The following CCDC178 variants were observed in gnomAD, a reference collection of about 807,000 sequenced individuals.
The protein encoded by CCDC178 is coiled-coil domain containing 178.
A neutral mutation model predicts 117.4 loss-of-function variants in CCDC178; 126 were observed. The ratio of observed to expected loss-of-function variants is 1.07; its 90% CI spans 0.93 to 1.24. The LOEUF (loss-of-function observed/expected upper bound fraction) is 1.24. Ranked by LOEUF, CCDC178 falls within the 50% of genes most tolerant of loss-of-function variation. The pLI, the probability that CCDC178 is intolerant of heterozygous loss-of-function variation, is 0.00. For missense variants in CCDC178, 1,030 were observed against 986.9 expected (o/e 1.04, Z -0.59); for synonymous variants, 283 against 313.4 (o/e 0.90, Z 1.02).
intron 19 of CCDC178, 114 bp downstream of exon 19, chr18:33,215,436 C>T (rs1025632329): frequency 4.9e-5 from 33 of 677,674 alleles, no homozygotes; most frequent in Non-Finnish European, 5.8e-5. Flanking sequence ...TTCCACACTA[C>T]GTTATAATTA....
At chr18:33,217,396 T>A (rs2059179514) in intron 18 of CCDC178, among the ~76,000 whole-genome samples, 1 of 152,046 alleles carries the variant, frequency 6.6e-6, no homozygotes, top group Non-Finnish European at 1.5e-5. Context: ...TTGATATAGA[T>A]CTTAAAACAA....
chr18:33,211,970 C>A lies in CCDC178; in HGVS notation c.2164G>T (p.Glu722Ter), dbSNP rs1287372222. 6.2e-7 allele frequency: 1 copy of A among 1,609,950 alleles called. No homozygotes were observed. Among genetic ancestry groups the A allele is most frequent in the South Asian group, 1.1e-5 (1 of 90,764 alleles). ...HYMQEKKDCE[E>*]RIFEEDQRFR... is the part of the protein sequence containing the mutation. ...CTCTGATCTTCCTCAAAGATTCTCTCTTCACAGTCTTTTTTCTCTTGCATA... is the reference window on the plus strand; with the variant it reads ...CTCTGATCTTCCTCAAAGATTCTCTATTCACAGTCTTTTTTCTCTTGCATA... The change falls in exon 20 of 23, where the codon GAG (glutamate) becomes TAG (stop). Residue 722 changes from glutamate (E) to a stop codon, truncating the protein, a stop_gained. Transcript: ENST00000383096. LOFTEE classifies it high-confidence loss of function.
At chr18:33,095,557 C>G (rs1434272723) in intron 20 of CCDC178, among the ~76,000 whole-genome samples, 1 of 151,972 alleles carries the variant, frequency 6.6e-6, no homozygotes, top group Admixed American at 6.6e-5. Flanking sequence ...AGATGTTGCA[C>G]TGCGAAGATC....
At chr18:33,373,694 A>G (rs997869813) in intron 5 of CCDC178, among the ~76,000 whole-genome samples, 1 of 152,122 alleles carries the variant, frequency 6.6e-6, no homozygotes, top group African/African-American at 2.4e-5. Context: ...ATGTTTTCCT[A>G]TCTATCTTCC....
chr18:33,235,264 T>C (rs1281170518), intron 15 of CCDC178, among the ~76,000 whole-genome samples: 1 of 152,152 alleles, frequency 6.6e-6, no homozygotes, highest in Non-Finnish European at 1.5e-5. Context: ...ACACACTGTC[T>C]TTTTCTAGCA....
intron 12 of CCDC178, among the ~76,000 whole-genome samples, chr18:33,283,074 A>T (rs1416766848): frequency 6.6e-6 from 1 of 152,124 alleles, no homozygotes; most frequent in African/African-American, 2.4e-5. Context: ...AGGGAGGCAG[A>T]CACCCCTGCA....
intron 2 of CCDC178, among the ~76,000 whole-genome samples, chr18:33,422,123 T>A (rs1568216750): frequency 6.6e-6 from 1 of 152,214 alleles, no homozygotes; most frequent in African/African-American, 2.4e-5. Context: ...CCTCTTGAAT[T>A]ATTACTTCAA....
At chr18:33,350,678 T>C (rs1040609369) in intron 7 of CCDC178, among the ~76,000 whole-genome samples, 3 of 152,200 alleles carry the variant, frequency 2.0e-5, no homozygotes, top group Admixed American at 2.0e-4. Context: ...AATCCATTGA[T>C]GGATTTGGGG....
At chr18:33,142,254 A>G (rs2058215770) in intron 20 of CCDC178, among the ~76,000 whole-genome samples, 1 of 152,194 alleles carries the variant, frequency 6.6e-6, no homozygotes, top group Non-Finnish European at 1.5e-5. Flanking sequence ...GCAATGCACA[A>G]GAAAGCCCTT....
chr18:33,183,921 G>T lies in CCDC178; in HGVS notation c.2238+27975C>A, dbSNP rs183853274. Among the ~76,000 whole-genome samples, 210 of 152,150 alleles carry T rather than the reference G, an allele frequency of 1.4e-3. 1 individual carries two copies. The highest frequency in any genetic ancestry group is 4.8e-3 in the African/African-American group (200 of 41,520). On this transcript the variant is annotated intron_variant, in intron 20 of 22. Transcript: ENST00000383096. ...AAATTATCTGGGGAGATTCACATGT[G>T]CTATTTAATATTTTATTAGAGTGAT...
intron 15 of CCDC178, among the ~76,000 whole-genome samples, chr18:33,240,879 A>T (rs891560554): frequency 6.6e-6 from 1 of 151,884 alleles, no homozygotes; most frequent in Non-Finnish European, 1.5e-5. Flanking sequence ...TCAATATCAA[A>T]TACACATGAG....
intron 21 of CCDC178, among the ~76,000 whole-genome samples, chr18:32,994,303 A>G (rs553566957): frequency 6.6e-6 from 1 of 152,298 alleles, no homozygotes; most frequent in South Asian, 2.1e-4. Context: ...TGCATATTTC[A>G]CAAGATGTAA....
chr18:33,086,882 C>T (rs763399691), intron 21 of CCDC178, among the ~76,000 whole-genome samples: 2 of 151,434 alleles, frequency 1.3e-5, no homozygotes, highest in Non-Finnish European at 2.9e-5. Flanking sequence ...TTGGCTTCTG[C>T]CTTCTAGATG....
intron 2 of CCDC178, among the ~76,000 whole-genome samples, chr18:33,428,031 T>C (rs577364356): frequency 6.6e-6 from 1 of 152,326 alleles, no homozygotes; most frequent in Middle Eastern, 3.4e-3. Context: ...TTGATAAATT[T>C]GAAGCTTCAA....
chr18:33,421,142 C>A (rs2064019263), intron 2 of CCDC178, among the ~76,000 whole-genome samples: 1 of 152,118 alleles, frequency 6.6e-6, no homozygotes, highest in South Asian at 2.1e-4. Flanking sequence ...AGTTTCCAGG[C>A]ATTGCTGACA....
At chr18:33,348,821 A>T (rs2062931083) in intron 8 of CCDC178, 69 bp downstream of exon 8, 1 of 953,214 alleles carries the variant, frequency 1.0e-6, no homozygotes, top group Non-Finnish European at 1.6e-6. Flanking sequence ...TGACAATCAG[A>T]AATATATTAA....
intron 21 of CCDC178, among the ~76,000 whole-genome samples, chr18:33,061,970 A>C (rs1436463619): frequency 6.6e-6 from 1 of 152,188 alleles, no homozygotes; most frequent in African/African-American, 2.4e-5. Context: ...TCACTTTAGA[A>C]ATATATTTTT....
intron 21 of CCDC178, among the ~76,000 whole-genome samples, chr18:33,016,324 CA>C (rs942575897): frequency 3.3e-5 from 5 of 151,696 alleles, no homozygotes; most frequent in Non-Finnish European, 7.4e-5. Flanking sequence ...CAGCAAAAAA[CA>C]AAAACAAAAA....
intron 20 of CCDC178, among the ~76,000 whole-genome samples, chr18:33,130,990 A>T (rs555111622): frequency 6.6e-6 from 1 of 152,062 alleles, no homozygotes; most frequent in South Asian, 2.1e-4. Context: ...GCAATAAGGC[A>T]GGTGCTTCAT....
Sources: gnomAD v4.1 joint callset for allele counts (sites outside exome capture counted in the v4.1 genomes callset) on GRCh38, gnomAD v4.1.1 for gene constraint, MANE v1.5 for transcripts, NCBI Gene and HGNC (gene_info 2026-07-23, HGNC 2026-07-21) for gene names.